BCAR3: variants seen among roughly 807,000 people sequenced by gnomAD.
BCAR3 encodes the protein breast cancer anti-estrogen resistance protein 3.
A neutral mutation model predicts 80.1 loss-of-function variants in BCAR3; 37 were observed. The ratio of observed to expected loss-of-function variants is 0.46; its 90% CI spans 0.36 to 0.61. BCAR3 has a LOEUF of 0.61. BCAR3 is among the 20% of genes least tolerant of loss of function. The pLI is 0.00. For missense variants in BCAR3, 978 were observed against 1,068.2 expected, an observed-to-expected ratio of 0.92 and a Z score of 1.18; for synonymous variants, 389 against 418.9, an observed-to-expected ratio of 0.93 and a Z score of 0.87.
chr1:93,798,990 G>T (rs936339238), intron 2 of BCAR3, among the ~76,000 whole-genome samples: 1 of 152,162 alleles, frequency 6.6e-6, no homozygotes, highest in Non-Finnish European at 1.5e-5. Flanking sequence ...AAAGTACATT[G>T]TAATAAAGCC....
Position 93,592,508 on chromosome 1 carries a change from G to T in BCAR3, c.358-115C>A. On this transcript the variant is annotated intron_variant, in intron 3 of 11. Coordinates refer to ENST00000260502, the MANE Select transcript of BCAR3 (RefSeq NM_003567.4). This position sits in a 1 kb window ranked among gnomAD's most constrained non-coding sequence, Gnocchi z 4.8. The stretch of plus-strand genomic sequence containing the variant: ...CCAGTTATGCTACAGCCTGCATTCA[G>T]GTAGGGGAGCCTGGATAATGATTAC... 1 of 1,352,440 alleles carries T rather than the reference G, an allele frequency of 7.4e-7. No individual in the cohort carries two copies. Among genetic ancestry groups the T allele is most frequent in the Non-Finnish European group, 9.9e-7 (1 of 1,007,302 alleles). The allele number at this position is 1,352,440 out of a possible 1,614,324, so 83.8% of individuals were successfully genotyped here.
chr1:93,639,565 C>T (rs1382294412), intron 3 of BCAR3, among the ~76,000 whole-genome samples: 1 of 151,706 alleles, frequency 6.6e-6, no homozygotes, highest in Non-Finnish European at 1.5e-5. Flanking sequence ...CAACCTCCGC[C>T]TCCCAGGTTC....
intron 2 of BCAR3, chr1:93,845,502 A>ATATATCTATCTATATCTCATGTTGTCAAG: frequency 3.5e-5 from 4 of 113,818 alleles, no homozygotes; most frequent in Non-Finnish European, 7.1e-5. Flanking sequence ...ATATATATAT[A>ATATATCTATCTATATCTCATGTTGTCAAG]AAACTTTGTT....
At chr1:93,615,976 C>T (rs1456705019) in intron 3 of BCAR3, among the ~76,000 whole-genome samples, 3 of 152,146 alleles carry the variant, frequency 2.0e-5, no homozygotes, top group African/African-American at 2.4e-5. Flanking sequence ...CAAGAGACTC[C>T]GAAGCCCAGA....
intron 2 of BCAR3, among the ~76,000 whole-genome samples, chr1:93,826,079 A>T (rs1359951703): frequency 6.6e-6 from 1 of 152,200 alleles, no homozygotes; most frequent in East Asian, 1.9e-4. Context: ...CAAGGGAAAG[A>T]GGGGAGAGGG....
chr1:93,820,581 G>C (rs984256669), intron 2 of BCAR3, among the ~76,000 whole-genome samples: 1 of 152,210 alleles, frequency 6.6e-6, no homozygotes, highest in African/African-American at 2.4e-5. Flanking sequence ...CATAGGGCAA[G>C]GTATGTGGGA....
chr1:93,586,046 T>G lies in BCAR3; in HGVS notation c.930-1925A>C, dbSNP rs1267587108. 3.3e-5 allele frequency among the ~76,000 whole-genome samples: 5 copies of G among 152,230 alleles called. No homozygotes were observed. Among genetic ancestry groups the G allele is most frequent in the Non-Finnish European group, 7.3e-5 (5 of 68,038 alleles). ...ATCCATGCCCTCTAGCATTTATCCT[T>G]TGAGTTACAAACAGTCCAATTACAC... On this transcript the variant is annotated intron_variant, in intron 5 of 11. Transcript: ENST00000260502. The surrounding 1 kb of genome is among the most constrained non-coding windows in gnomAD (Gnocchi z 4.2).
chr1:93,678,287 A>G (rs1648586871), intron 1 of BCAR3, among the ~76,000 whole-genome samples: 1 of 152,212 alleles, frequency 6.6e-6, no homozygotes, highest in Admixed American at 6.5e-5. Flanking sequence ...AACAGAATTC[A>G]ATGATGATGA....
intron 2 of BCAR3, 90 bp downstream of exon 2, chr1:93,674,524 A>T: frequency 7.2e-7 from 1 of 1,389,430 alleles, no homozygotes; most frequent in Non-Finnish European, 9.8e-7. Flanking sequence ...TGCTGGGATT[A>T]CAGGTGTGAG....
chr1:93,708,928 T>C (rs973706608), intron 2 of BCAR3, among the ~76,000 whole-genome samples: 2 of 152,188 alleles, frequency 1.3e-5, no homozygotes, highest in African/African-American at 4.8e-5. Context: ...ATGATTTCTG[T>C]TGATGCTCGT....
At chr1:93,746,541 T>C (rs1041765110) in intron 2 of BCAR3, among the ~76,000 whole-genome samples, 1 of 152,128 alleles carries the variant, frequency 6.6e-6, no homozygotes, top group Non-Finnish European at 1.5e-5. Context: ...GAGAGGCCAT[T>C]ATTAAATTTG....
chr1:93,563,328 T>A (rs1672780325), intron 11 of BCAR3, among the ~76,000 whole-genome samples: 1 of 152,226 alleles, frequency 6.6e-6, no homozygotes, highest in Admixed American at 6.5e-5. Flanking sequence ...ATGTGTGACT[T>A]CTTTCACTTA....
Position 93,589,054 on chromosome 1 carries a change from A to G in BCAR3, c.852T>C (p.Asp284=). ...REGSLTKGRP[D]VAKRLSLTMG... ...TGGTGAGGCTCAGCCTCTTGGCCACATCCGGCCTTCCCTTGGTGAGGCTGC... is the reference window on the plus strand; with the variant it reads ...TGGTGAGGCTCAGCCTCTTGGCCACGTCCGGCCTTCCCTTGGTGAGGCTGC... The change falls in exon 5 of 12, where the codon GAT becomes GAC. Residue 284 remains aspartate (D), a synonymous_variant. Coordinates refer to ENST00000260502, the MANE Select transcript of BCAR3 (RefSeq NM_003567.4). 6.2e-7 allele frequency: 1 copy of G among 1,611,918 alleles called. No homozygotes were observed. The highest frequency in any genetic ancestry group is 8.5e-7 in the Non-Finnish European group (1 of 1,178,796).
chr1:93,844,770 G>A (rs1345173448), intron 2 of BCAR3, among the ~76,000 whole-genome samples: 3 of 149,686 alleles, frequency 2.0e-5, no homozygotes, highest in Non-Finnish European at 3.0e-5. Flanking sequence ...GTGCAGTGGC[G>A]CGATCATAGC....
intron 2 of BCAR3, among the ~76,000 whole-genome samples, chr1:93,757,554 C>T (rs1001644487): frequency 1.1e-4 from 17 of 152,334 alleles, no homozygotes; most frequent in African/African-American, 2.2e-4. Context: ...GCGAGCATCA[C>T]GACTCCTCTG....
At chr1:93,656,610 C>CTTT (rs34484122) in intron 2 of BCAR3, among the ~76,000 whole-genome samples, 1 of 138,198 alleles carries the variant, frequency 7.2e-6, no homozygotes, top group African/African-American at 2.7e-5. Context: ...TATCTGAAGT[C>CTTT]TTTTTTTTTT....
chr1:93,692,501 T>A (rs1649230014), intron 3 of BCAR3, among the ~76,000 whole-genome samples: 1 of 152,208 alleles, frequency 6.6e-6, no homozygotes, highest in South Asian at 2.1e-4. Flanking sequence ...ATATGAATCA[T>A]AAAAGCTATG....
At chr1:93,776,207 A>G (rs1032403282) in intron 2 of BCAR3, among the ~76,000 whole-genome samples, 1 of 152,220 alleles carries the variant, frequency 6.6e-6, no homozygotes, top group Admixed American at 6.5e-5. Flanking sequence ...TTAACTAAAC[A>G]TACTGCATGT....
chr1:93,700,442 C>T (rs1385808102), intron 3 of BCAR3, among the ~76,000 whole-genome samples: 1 of 152,242 alleles, frequency 6.6e-6, no homozygotes, highest in Admixed American at 6.5e-5. Flanking sequence ...GCTAGGATTA[C>T]AGGCATGAGC....
Sources: allele counts gnomAD v4.1 joint callset (sites outside exome capture counted in the v4.1 genomes callset), GRCh38; gene constraint gnomAD v4.1.1; non-coding constraint Gnocchi (gnomAD v3.1); transcripts MANE v1.5; gene names NCBI Gene and HGNC (gene_info 2026-07-23, HGNC 2026-07-21).